The following ZNF469 variants were observed in gnomAD, a reference collection of about 807,000 sequenced individuals.
The protein encoded by ZNF469 is zinc finger protein 469.
Under a neutral mutation model 1.0 loss-of-function variants are expected in ZNF469, and 1 was observed. The observed-to-expected ratio is 1.00, with a 90% CI of 0.35 to 4.73. The LOEUF is 4.73. Ranked by LOEUF, ZNF469 falls within the 30% of genes most tolerant of loss-of-function variation. ZNF469 has a pLI of 0.16. For missense variants in ZNF469, 6,100 were observed against 5,356.3 expected (o/e 1.14, Z -4.33); for synonymous variants, 2,703 against 2,363.4 (o/e 1.14, Z -4.17).
In ZNF469 at chr16:88,440,564, G is replaced by T. The variant is rs551063996; in HGVS notation, c.*1232G>T. On this transcript the variant is annotated 3_prime_UTR_variant, in exon 3 of 3. Coordinates refer to ENST00000565624, the MANE Select transcript of ZNF469 (RefSeq NM_001367624.2). ...GTTTTTACTTGGGTGCAATGTGTAC[G>T]TCAAAAGTTTTTATTTTGATATTTG... 2.9e-4 allele frequency: 44 copies of T among 152,240 alleles called. No individual in the cohort carries two copies. The highest frequency in any genetic ancestry group is 9.6e-4 in the African/African-American group (40 of 41,542). The allele number at this position is 152,240 out of a possible 1,614,324, so 9.4% of individuals were successfully genotyped here. A position where few individuals can be genotyped will look rare whatever the true frequency, so the allele number is the denominator to read the frequency against.
chr16:88,429,580 G>T lies in ZNF469; in HGVS notation c.2110G>T (p.Gly704Cys). The T allele has an allele frequency of 1.9e-6, 3 of 1,549,868 alleles. No homozygotes were observed. The highest frequency in any genetic ancestry group is 1.7e-6 in the Non-Finnish European group (2 of 1,146,750). ...CGAGGTGGGTCGGGGAGGGCTGCAG[G>T]GCTTCCCCCGTGCGCCGCCTCCGTA... ...GPEVGRGGLQ[G>C]FPRAPPPYPT... The change falls in exon 3 of 3, where the codon GGC (glycine) becomes TGC (cysteine). Residue 704 changes from glycine (G) to cysteine (C), a missense_variant. Coordinates refer to ENST00000565624, the MANE Select transcript of ZNF469 (RefSeq NM_001367624.2).
the ZNF469 span, among the ~76,000 whole-genome samples, chr16:88,224,449 C>A: frequency 1.3e-5 from 2 of 152,196 alleles, no homozygotes; most frequent in African/African-American, 4.8e-5. Flanking sequence ...GAGGAAAGGG[C>A]CTTCTTTCTG....
At chr16:88,349,452 C>G in the ZNF469 span, among the ~76,000 whole-genome samples, 4 of 145,932 alleles carry the variant, frequency 2.7e-5, no homozygotes, top group African/African-American at 1.0e-4. Flanking sequence ...AATACACACA[C>G]CACACAAGTA....
intron 1 of ZNF469, among the ~76,000 whole-genome samples, chr16:88,406,450 G>T (rs778031637): frequency 2.6e-5 from 4 of 152,308 alleles, no homozygotes; most frequent in African/African-American, 9.6e-5. Flanking sequence ...CCTCCCTGCC[G>T]TGCGGGCTGC....
chr16:88,394,821 AT>A (rs1221671440), intron 1 of ZNF469, among the ~76,000 whole-genome samples: 1 of 152,144 alleles, frequency 6.6e-6, no homozygotes, highest in Non-Finnish European at 1.5e-5. Context: ...CCCTGTCACC[AT>A]GGCTTTCATG....
intron 1 of ZNF469, among the ~76,000 whole-genome samples, chr16:88,405,243 G>A (rs1904994527): frequency 6.6e-6 from 1 of 152,132 alleles, no homozygotes; most frequent in African/African-American, 2.4e-5. Context: ...TGAGCCCTGA[G>A]CCTTGGGGTG....
the ZNF469 span, among the ~76,000 whole-genome samples, chr16:88,357,666 C>G: frequency 5.8e-4 from 89 of 152,324 alleles, no homozygotes; most frequent in South Asian, 2.1e-3. Flanking sequence ...TGTGACTGAG[C>G]TCCGAAGCAC....
the ZNF469 span, among the ~76,000 whole-genome samples, chr16:88,247,348 G>C: frequency 7.4e-6 from 1 of 134,542 alleles, no homozygotes; most frequent in Admixed American, 7.4e-5. Flanking sequence ...GAATGAGTGA[G>C]TGAATGAGTG....
chr16:88,254,549 G>A, the ZNF469 span, among the ~76,000 whole-genome samples: 1 of 152,202 alleles, frequency 6.6e-6, no homozygotes, highest in Non-Finnish European at 1.5e-5. Context: ...CTCGAGGTCA[G>A]GAGTTCAAGA....
At chr16:88,349,007 C>T in the ZNF469 span, among the ~76,000 whole-genome samples, 1 of 152,218 alleles carries the variant, frequency 6.6e-6, no homozygotes, top group South Asian at 2.1e-4. Flanking sequence ...CCCCTGCCTC[C>T]CACGCAGGCC....
chr16:88,229,699 TCA>T, the ZNF469 span, among the ~76,000 whole-genome samples: 1 of 151,520 alleles, frequency 6.6e-6, no homozygotes, highest in Non-Finnish European at 1.5e-5. Context: ...CGTGTGGATG[TCA>T]CACGTGTGTG....
the ZNF469 span, among the ~76,000 whole-genome samples, chr16:88,123,604 T>A: frequency 6.6e-6 from 1 of 152,134 alleles, no homozygotes; most frequent in Non-Finnish European, 1.5e-5. Context: ...GGCCACGTGG[T>A]GAGTATATGT....
At chr16:88,294,520 G>A in the ZNF469 span, among the ~76,000 whole-genome samples, 19 of 152,172 alleles carry the variant, frequency 1.2e-4, no homozygotes, top group African/African-American at 4.6e-4. Flanking sequence ...CAAAGACACA[G>A]GCAAGAAAAT....
the ZNF469 span, among the ~76,000 whole-genome samples, chr16:88,351,716 C>T: frequency 6.6e-6 from 1 of 152,160 alleles, no homozygotes; most frequent in South Asian, 2.1e-4. Context: ...GCAGCAGGCC[C>T]CAGCCGGAGC....
chr16:88,357,973 G>T, the ZNF469 span, among the ~76,000 whole-genome samples: 1 of 152,218 alleles, frequency 6.6e-6, no homozygotes, highest in Admixed American at 6.5e-5. Flanking sequence ...CATTTGGCCC[G>T]AAATGTCCAC....
chr16:88,172,184 C>T, the ZNF469 span, among the ~76,000 whole-genome samples: 4 of 152,178 alleles, frequency 2.6e-5, no homozygotes, highest in South Asian at 2.1e-4. Context: ...CCAAAGAGAG[C>T]GCCAGAGGTC....
the ZNF469 span, among the ~76,000 whole-genome samples, chr16:88,283,741 C>T: frequency 2.0e-5 from 3 of 152,270 alleles, no homozygotes; most frequent in Admixed American, 6.5e-5. Context: ...CAGCTGTGAA[C>T]GCGGAGGCTG....
the ZNF469 span, among the ~76,000 whole-genome samples, chr16:88,166,221 C>G: frequency 1.3e-5 from 2 of 152,194 alleles, no homozygotes; most frequent in African/African-American, 2.4e-5. This position sits in a 1 kb window ranked among gnomAD's most constrained non-coding sequence, Gnocchi z 4.5. Flanking sequence ...CACACACCCA[C>G]CACCTAAATT....
Position 88,437,849 on chromosome 16 carries a change from G to T in ZNF469, c.10379G>T (p.Gly3460Val). 1 of 1,540,400 alleles carries T rather than the reference G, an allele frequency of 6.5e-7. No homozygotes were observed. Among genetic ancestry groups the T allele is most frequent in the Non-Finnish European group, 8.8e-7 (1 of 1,139,616 alleles). The change falls in exon 3 of 3, where the codon GGA (glycine) becomes GTA (valine). Residue 3460 changes from glycine (G) to valine (V), a missense_variant. Coordinates refer to ENST00000565624, the MANE Select transcript of ZNF469 (RefSeq NM_001367624.2). ...FRGVRRPGAP[G>V]QKARALEGTL... ...GGCGTGCGGAGGCCGGGAGCGCCGG[G>T]ACAGAAGGCCCGGGCCCTCGAGGGC...
Sources: gnomAD v4.1 joint callset for allele counts (sites outside exome capture counted in the v4.1 genomes callset) on GRCh38, gnomAD v4.1.1 for gene constraint, Gnocchi (gnomAD v3.1) non-coding constraint, MANE v1.5 for transcripts, NCBI Gene and HGNC (gene_info 2026-07-23, HGNC 2026-07-21) for gene names.